The following FAM124A variants were observed in gnomAD, a reference collection of about 807,000 sequenced individuals.
FAM124A encodes the protein family with sequence similarity 124 member A.
Under a neutral mutation model 24.5 loss-of-function variants are expected in FAM124A, and 23 were observed. The ratio of observed to expected loss-of-function variants is 0.94; its 90% CI spans 0.68 to 1.33. FAM124A has a LOEUF of 1.33. Among genes scored for constraint, FAM124A ranks in the 40% most tolerant of loss-of-function variants. The probability of loss-of-function intolerance (pLI) is 0.00; values close to 1 mark genes in which losing one functional copy is unlikely to be tolerated. For synonymous variants in FAM124A, 287 were observed against 314.7 expected (o/e 0.91, Z 0.93); for missense variants, 623 against 722.8 (o/e 0.86, Z 1.58).
Position 51,258,730 on chromosome 13 carries a change from G to T in FAM124A, c.834+6529G>T, listed in dbSNP as rs758455955. On this transcript the variant is annotated intron_variant, in intron 3 of 3. Coordinates refer to ENST00000322475, the MANE Select transcript of FAM124A (RefSeq NM_001242312.2). This position sits in a 1 kb window ranked among gnomAD's most constrained non-coding sequence, Gnocchi z 4.2. ...TTTGTTTCCAAATCTGAACACTTAG[G>T]ATGGTAATTCTTCCCTAGCAGAGTC... Among the ~76,000 whole-genome samples, 3 of 152,338 alleles carry T rather than the reference G, an allele frequency of 2.0e-5. No individual in the cohort carries two copies. The highest frequency in any genetic ancestry group is 3.4e-3 in the Middle Eastern group (1 of 294).
At position 51,280,587 on chromosome 13, in the gene FAM124A, C is replaced by T. The variant is rs766835047; in HGVS notation, c.972C>T (p.Asn324=). 1 of 1,614,212 alleles carries T rather than the reference C, an allele frequency of 6.2e-7. No individual in the cohort carries two copies. Among genetic ancestry groups the T allele is most frequent in the East Asian group, 2.2e-5 (1 of 44,890 alleles). ...GCAGCAGCCAGCAGTCCCCGCTCAA[C>T]AGTCCTCACCCGGGGCCCATCCGGA... ...TPGSSQQSPL[N]SPHPGPIRTG... Residue 324 remains asparagine, a synonymous_variant, in exon 4 of 4, where the codon AAC becomes AAT. Coordinates refer to ENST00000322475, the MANE Select transcript of FAM124A (RefSeq NM_001242312.2).
intron 3 of FAM124A, among the ~76,000 whole-genome samples, chr13:51,260,500 T>C (rs1022729115): frequency 1.3e-5 from 2 of 152,242 alleles, no homozygotes; most frequent in African/African-American, 4.8e-5. Context: ...TGATAACTAA[T>C]GTTAATTGCA....
Position 51,272,759 on chromosome 13 carries a change from A to G in FAM124A, c.835-7691A>G, listed in dbSNP as rs1410057640. 6.6e-6 allele frequency among the ~76,000 whole-genome samples: 1 copy of G among 152,118 alleles called. No homozygotes were observed. The highest frequency in any genetic ancestry group is 1.5e-5 in the Non-Finnish European group (1 of 68,000). ...AGCACAGTCAAGGTGGGAGTGCCAT[A>G]CTGGGCCCAGGAGGAAGAAGTGCAA... On this transcript the variant is annotated intron_variant, in intron 3 of 3. Transcript: ENST00000322475. The surrounding 1 kb of genome is among the most constrained non-coding windows in gnomAD (Gnocchi z 4.2).
chr13:51,271,222 G>A (rs565300208), intron 3 of FAM124A, among the ~76,000 whole-genome samples: 15 of 152,270 alleles, frequency 9.9e-5, no homozygotes, highest in Non-Finnish European at 2.1e-4. Context: ...TGCTGGCGCC[G>A]CCTCTCCCGC....
In FAM124A at chr13:51,258,703, C is replaced by T. The variant is rs1029650873; in HGVS notation, c.834+6502C>T. On this transcript the variant is annotated intron_variant, in intron 3 of 3. Transcript: ENST00000322475. The surrounding 1 kb of genome is among the most constrained non-coding windows in gnomAD (Gnocchi z 4.2). ...GGGGCATGTTCCACTGCGTTGGGAACCTTTGTTTCCAAATCTGAACACTTA... is the reference window on the plus strand; with the variant it reads ...GGGGCATGTTCCACTGCGTTGGGAATCTTTGTTTCCAAATCTGAACACTTA... Among the ~76,000 whole-genome samples, 3 of 152,306 alleles carry T rather than the reference C, an allele frequency of 2.0e-5. No individual in the cohort carries two copies. The highest frequency in any genetic ancestry group is 7.2e-5 in the African/African-American group (3 of 41,554).
At chr13:51,276,143 A>T (rs1048178663) in intron 3 of FAM124A, among the ~76,000 whole-genome samples, 1 of 152,122 alleles carries the variant, frequency 6.6e-6, no homozygotes, top group Non-Finnish European at 1.5e-5. Flanking sequence ...CTTGCCAAGG[A>T]GTGAGTTTTG....
intron 3 of FAM124A, among the ~76,000 whole-genome samples, chr13:51,279,676 G>A (rs1024299643): frequency 6.6e-6 from 1 of 152,162 alleles, no homozygotes; most frequent in East Asian, 1.9e-4. Context: ...AGGGAGGGCT[G>A]CTGGACCAGG....
At chr13:51,228,872 A>G (rs1038446017) in intron 1 of FAM124A, among the ~76,000 whole-genome samples, 1 of 152,260 alleles carries the variant, frequency 6.6e-6, no homozygotes, top group Non-Finnish European at 1.5e-5. Context: ...AAATAAATAT[A>G]AAGCCATATT....
At chr13:51,250,910 C>G (rs2137676501) in intron 2 of FAM124A, among the ~76,000 whole-genome samples, 1 of 152,366 alleles carries the variant, frequency 6.6e-6, no homozygotes, top group South Asian at 2.1e-4. Context: ...TCTCTCTTGT[C>G]CTCCATCATT....
At chr13:51,248,584 G>A (rs1954588346) in intron 2 of FAM124A, among the ~76,000 whole-genome samples, 1 of 152,232 alleles carries the variant, frequency 6.6e-6, no homozygotes, top group Non-Finnish European at 1.5e-5. Context: ...ATCTAGGGCA[G>A]GCTCAGCTAG....
rs74087432 is a variant in FAM124A, at chr13:51,269,032, T to C, written c.835-11418T>C. Among the ~76,000 whole-genome samples, 540 of 152,324 alleles carry C rather than the reference T, an allele frequency of 3.5e-3. 3 individuals carry two copies. The highest frequency in any genetic ancestry group is 0.012 in the African/African-American group (508 of 41,568). On this transcript the variant is annotated intron_variant, in intron 3 of 3. Coordinates refer to ENST00000322475, the MANE Select transcript of FAM124A (RefSeq NM_001242312.2). ...GAAGTTAGCCACAATCTGAGTAAAG[T>C]GCAGAGAGGATGGGCCATGTGCACA...
At chr13:51,231,284 A>G in intron 1 of FAM124A, 64 bp from the exon 2 acceptor site, 1 of 1,594,674 alleles carries the variant, frequency 6.3e-7, no homozygotes, top group South Asian at 1.1e-5. Flanking sequence ...GACTGTTTAA[A>G]ATTCTGGCTT....
At chr13:51,232,718 T>G (rs1361633825) in intron 2 of FAM124A, among the ~76,000 whole-genome samples, 1 of 152,220 alleles carries the variant, frequency 6.6e-6, no homozygotes, top group Non-Finnish European at 1.5e-5. Flanking sequence ...GAAAGCTCAG[T>G]TGAACTCTCT....
At position 51,251,400 on chromosome 13, in the gene FAM124A, C is replaced by T; in HGVS notation, c.101-68C>T. ...TTCCTGTCAAGCCTGTACACGTCAT[C>T]ACTGGACACTTTAATGAAATAATCA... On this transcript the variant is annotated intron_variant, in intron 2 of 3. Coordinates refer to ENST00000322475, the MANE Select transcript of FAM124A (RefSeq NM_001242312.2). This position sits in a 1 kb window ranked among gnomAD's most constrained non-coding sequence, Gnocchi z 5.3. The T allele has an allele frequency of 6.8e-7, 1 of 1,468,562 alleles. No individual in the cohort carries two copies. The highest frequency in any genetic ancestry group is 9.0e-7 in the Non-Finnish European group (1 of 1,108,426). The allele number at this position is 1,468,562 out of a possible 1,614,324, so 91.0% of individuals were successfully genotyped here.
chr13:51,230,527 G>A (rs958082960), intron 1 of FAM124A, among the ~76,000 whole-genome samples: 23 of 152,312 alleles, frequency 1.5e-4, no homozygotes, highest in African/African-American at 5.3e-4. Flanking sequence ...ATTTCCTACT[G>A]AGAATGACTT....
intron 2 of FAM124A, among the ~76,000 whole-genome samples, chr13:51,242,131 G>A (rs964599668): frequency 1.3e-5 from 2 of 152,104 alleles, no homozygotes; most frequent in African/African-American, 4.8e-5. Flanking sequence ...CCTAATACAA[G>A]ATTAATATTA....
Position 51,251,497 on chromosome 13 carries a change from C to A in FAM124A, c.130C>A (p.Pro44Thr), listed in dbSNP as rs777249972. 4.6e-6 allele frequency: 7 copies of A among 1,509,906 alleles called. No individual in the cohort carries two copies. The highest frequency in any genetic ancestry group is 6.2e-6 in the Non-Finnish European group (7 of 1,128,662). 93.5% of individuals were successfully genotyped at this position (1,509,906 alleles called of 1,614,324 possible). A position where few individuals can be genotyped will look rare whatever the true frequency, so the allele number is the denominator to read the frequency against. Residue 44 changes from proline to threonine, a missense_variant, in exon 3 of 4, where the codon CCT becomes ACT. Transcript: ENST00000322475. The surrounding 1 kb of genome is among the most constrained non-coding windows in gnomAD (Gnocchi z 5.3). ...GCTTTCCGTTGAAGAGGCGCAGGAC[C>A]CTTTCCTGGTCAGCATCCACATAAT... The part of the protein sequence containing the change: ...SELSVEEAQD[P>T]FLVSIHIIAD...
At chr13:51,240,975 A>G (rs990975614) in intron 2 of FAM124A, among the ~76,000 whole-genome samples, 14 of 152,170 alleles carry the variant, frequency 9.2e-5, no homozygotes, top group Non-Finnish European at 1.5e-5. Context: ...TGAGCTGGAA[A>G]AGCTGCCCTT....
chr13:51,223,905 T>G (rs1345016618), intron 1 of FAM124A, among the ~76,000 whole-genome samples: 5 of 152,236 alleles, frequency 3.3e-5, no homozygotes, highest in African/African-American at 1.2e-4. Context: ...ATTAACCAGC[T>G]TATTTGTAAC....
Sources: allele counts gnomAD v4.1 joint callset (sites outside exome capture counted in the v4.1 genomes callset), GRCh38; gene constraint gnomAD v4.1.1; non-coding constraint Gnocchi (gnomAD v3.1); transcripts MANE v1.5; gene names NCBI Gene and HGNC (gene_info 2026-07-23, HGNC 2026-07-21).